COA6: variants seen among roughly 807,000 people sequenced by gnomAD.
COA6 encodes cytochrome c oxidase assembly factor 6 homolog.
A neutral mutation model predicts 17.1 loss-of-function variants in COA6; 12 were observed. The observed-to-expected ratio is 0.70, with a 90% CI of 0.45 to 1.14. The LOEUF is 1.14. Among genes scored for constraint, COA6 ranks in the 50% most tolerant of loss-of-function variants. The pLI is 0.00. For synonymous variants in COA6, 90 were observed against 73.4 expected, an observed-to-expected ratio of 1.23 and a Z score of -1.16; for missense variants, 246 against 196.5, an observed-to-expected ratio of 1.25 and a Z score of -1.51.
At chr1:234,379,541 C>T (rs1658910526) in intron 2 of COA6, among the ~76,000 whole-genome samples, 1 of 152,102 alleles carries the variant, frequency 6.6e-6, no homozygotes, top group African/African-American at 2.4e-5. Flanking sequence ...CCTGAGTACC[C>T]ACGAGTTGTG....
chr1:234,374,842 A>G (rs1218932720), intron 2 of COA6, among the ~76,000 whole-genome samples: 1 of 152,190 alleles, frequency 6.6e-6, no homozygotes, highest in African/African-American at 2.4e-5. Context: ...GAAAAGGTTC[A>G]TATGGTGGAT....
intron 2 of COA6, among the ~76,000 whole-genome samples, chr1:234,376,623 GA>G (rs111383525): frequency 2.6e-5 from 4 of 152,326 alleles, no homozygotes; most frequent in African/African-American, 9.6e-5. Context: ...TACCATGCAA[GA>G]AAAGGATCCA....
intron 2 of COA6, among the ~76,000 whole-genome samples, chr1:234,380,330 T>G (rs956332784): frequency 6.6e-6 from 1 of 152,206 alleles, no homozygotes; most frequent in Non-Finnish European, 1.5e-5. Context: ...AATGAGATGC[T>G]TTGTTTTTGT....
At chr1:234,374,520 T>A in intron 2 of COA6, 131 bp downstream of exon 2, 2 of 846,138 alleles carry the variant, frequency 2.4e-6, no homozygotes, top group East Asian at 5.2e-5. Flanking sequence ...AGAGAAAACC[T>A]TGCCTGGTAA....
intron 2 of COA6, among the ~76,000 whole-genome samples, chr1:234,377,494 A>G (rs955228492): frequency 1.3e-5 from 2 of 152,102 alleles, no homozygotes; most frequent in East Asian, 3.9e-4. Context: ...TGCACCCAGT[A>G]GGCCTCTCCT....
At chr1:234,373,900 G>A (rs1658697044) in intron 1 of COA6, 1 of 1,567,912 alleles carries the variant, frequency 6.4e-7, no homozygotes, top group African/African-American at 1.4e-5. Flanking sequence ...GTGGGAAACG[G>A]GCTCGGAGAG....
chr1:234,378,214 AC>A (rs535115605), intron 2 of COA6, among the ~76,000 whole-genome samples: 64 of 152,294 alleles, frequency 4.2e-4, no homozygotes, highest in East Asian at 2.3e-3. Context: ...TGATGGCCCT[AC>A]TTCAGCTCCA....
At chr1:234,383,295 A>G (rs1659031746) in intron 2 of COA6, among the ~76,000 whole-genome samples, 1 of 149,828 alleles carries the variant, frequency 6.7e-6, no homozygotes, top group Non-Finnish European at 1.5e-5. Context: ...CTCCTCAGAG[A>G]CTTTTTCATC....
chr1:234,383,875 A>G lies in COA6; in HGVS notation c.*57A>G. On this transcript the variant is annotated 3_prime_UTR_variant, in exon 3 of 3. Transcript: ENST00000366615. ...GGACATTGAAAAAGCTCCACTGACTATGGAACAGTAATAGTTTGAATCATA... is the reference window on the plus strand; with the variant it reads ...GGACATTGAAAAAGCTCCACTGACTGTGGAACAGTAATAGTTTGAATCATA... The G allele has an allele frequency of 1.2e-6, 1 of 838,964 alleles. No homozygotes were observed. Among genetic ancestry groups the G allele is most frequent in the Non-Finnish European group, 2.0e-6 (1 of 500,790 alleles). The allele number at this position is 838,964 out of a possible 1,614,324, so 52.0% of individuals were successfully genotyped here.
At chr1:234,377,614 G>A (rs1658846173) in intron 2 of COA6, among the ~76,000 whole-genome samples, 1 of 152,228 alleles carries the variant, frequency 6.6e-6, no homozygotes, top group African/African-American at 2.4e-5. Flanking sequence ...GACTAGGTAA[G>A]TTAGGGCTGT....
intron 2 of COA6, among the ~76,000 whole-genome samples, chr1:234,381,892 GT>G (rs1158111903): frequency 1.3e-5 from 2 of 152,228 alleles, no homozygotes; most frequent in Non-Finnish European, 2.9e-5. Flanking sequence ...AGTTGGAGAT[GT>G]GACAGGACAT....
At chr1:234,373,887 C>T (rs1285829291) in intron 1 of COA6, 1 of 1,591,608 alleles carries the variant, frequency 6.3e-7, no homozygotes, top group African/African-American at 1.3e-5. Context: ...CCCCGCTTTA[C>T]TGGTGGGAAA....
At chr1:234,382,330 G>A (rs781432317) in intron 2 of COA6, among the ~76,000 whole-genome samples, 5 of 152,140 alleles carry the variant, frequency 3.3e-5, no homozygotes, top group African/African-American at 4.8e-5. Context: ...GTGTCAGGGC[G>A]CCGTAGATCT....
intron 2 of COA6, among the ~76,000 whole-genome samples, chr1:234,383,344 A>ACAT (rs1352451533): frequency 7.1e-6 from 1 of 140,926 alleles, no homozygotes; most frequent in Non-Finnish European, 1.5e-5. Context: ...CAATGAGAAC[A>ACAT]CATCACAGGA....
Position 234,384,837 on chromosome 1 carries a change from G to T in COA6, c.*1019G>T, listed in dbSNP as rs1486150230. ...ATTGTATTAGGTATTGTAAGTCATT[G>T]AGATGATTTAAAGTATAGGCATACC... On this transcript the variant is annotated 3_prime_UTR_variant, in exon 3 of 3. Coordinates refer to ENST00000366615, the MANE Select transcript of COA6 (RefSeq NM_001206641.3). Among the ~76,000 whole-genome samples the T allele has an allele frequency of 6.6e-6, 1 of 152,212 alleles. No individual in the cohort carries two copies. The highest frequency in any genetic ancestry group is 1.9e-4 in the East Asian group (1 of 5,206).
intron 2 of COA6, among the ~76,000 whole-genome samples, chr1:234,376,202 CCTCT>C (rs2103016292): frequency 6.6e-6 from 1 of 152,248 alleles, no homozygotes; most frequent in East Asian, 1.9e-4. Flanking sequence ...CCACTTTTAT[CCTCT>C]CTCTCCTCCT....
At chr1:234,383,237 C>G (rs1464457407) in intron 2 of COA6, among the ~76,000 whole-genome samples, 2 of 152,082 alleles carry the variant, frequency 1.3e-5, no homozygotes, top group African/African-American at 4.8e-5. Flanking sequence ...TTCAAATTCT[C>G]AGTATGGTCT....
At chr1:234,373,885 TAC>T (rs1658695859) in intron 1 of COA6, 1 of 1,592,700 alleles carries the variant, frequency 6.3e-7, no homozygotes, top group African/African-American at 1.3e-5. Flanking sequence ...GTCCCCGCTT[TAC>T]TGGTGGGAAA....
At chr1:234,374,449 A>AGTG in intron 2 of COA6, 60 bp downstream of exon 2, 2 of 1,555,252 alleles carry the variant, frequency 1.3e-6, no homozygotes, top group South Asian at 2.3e-5. Context: ...TTATACTGTG[A>AGTG]GTGGTAGGCT....
Sources: gnomAD v4.1 joint callset for allele counts (sites outside exome capture counted in the v4.1 genomes callset) on GRCh38, gnomAD v4.1.1 for gene constraint, MANE v1.5 for transcripts, NCBI Gene and HGNC (gene_info 2026-07-23, HGNC 2026-07-21) for gene names.